CNTNAP2: variants seen among roughly 807,000 people sequenced by gnomAD.
The protein encoded by CNTNAP2 is contactin-associated protein-like 2.
Under a neutral mutation model 155.2 loss-of-function variants are expected in CNTNAP2, and 98 were observed. The ratio of observed to expected loss-of-function variants is 0.63; its 90% CI spans 0.54 to 0.75. CNTNAP2 has a LOEUF of 0.75. Among genes scored for constraint, CNTNAP2 ranks in the 30% least tolerant of loss-of-function variants. The pLI, the probability that CNTNAP2 is intolerant of heterozygous loss-of-function variation, is 0.00. For missense variants in CNTNAP2, 1,727 were observed against 1,688.1 expected, an observed-to-expected ratio of 1.02 and a Z score of -0.40; for synonymous variants, 651 against 631.2, an observed-to-expected ratio of 1.03 and a Z score of -0.47.
intron 12 of CNTNAP2, among the ~76,000 whole-genome samples, chr7:147,626,075 G>A (rs1368336342): frequency 3.9e-5 from 6 of 152,104 alleles, no homozygotes; most frequent in African/African-American, 1.4e-4. Context: ...GGGGAAGGCA[G>A]CCAGAGGAAT....
At chr7:147,647,564 T>C (rs1327870255) in intron 13 of CNTNAP2, among the ~76,000 whole-genome samples, 9 of 152,208 alleles carry the variant, frequency 5.9e-5, no homozygotes. Context: ...TTATGGGCTA[T>C]TCATGGCTTT....
intron 1 of CNTNAP2, among the ~76,000 whole-genome samples, chr7:146,483,028 G>A (rs1386622583): frequency 1.3e-5 from 2 of 151,328 alleles, no homozygotes. Flanking sequence ...TGTAATCCCA[G>A]CACTTTGGGA....
intron 9 of CNTNAP2, among the ~76,000 whole-genome samples, chr7:147,303,140 T>G (rs888103176): frequency 6.6e-5 from 10 of 152,222 alleles, no homozygotes; most frequent in Non-Finnish European, 1.5e-4. Flanking sequence ...TCTTTTACCA[T>G]CTTCACACAA....
chr7:147,849,050 T>C (rs143896625), intron 13 of CNTNAP2, among the ~76,000 whole-genome samples: 2,162 of 152,268 alleles, frequency 0.014, 24 homozygotes, highest in Non-Finnish European at 0.023. Flanking sequence ...TTCAGTAAAA[T>C]TTCTCCTAGA....
intron 10 of CNTNAP2, 89 bp from the exon 11 acceptor site, chr7:147,485,846 T>A: frequency 8.0e-7 from 1 of 1,244,708 alleles, no homozygotes; most frequent in Non-Finnish European, 1.2e-6. Context: ...GGCATTGAAA[T>A]GATATATTGC....
chr7:147,769,676 C>T (rs1186560029), intron 13 of CNTNAP2, among the ~76,000 whole-genome samples: 1 of 152,066 alleles, frequency 6.6e-6, no homozygotes, highest in Non-Finnish European at 1.5e-5. Flanking sequence ...ATATTTTTCT[C>T]CACAAGATAT....
At position 147,983,558 on chromosome 7, in the gene CNTNAP2, A is replaced by G. The variant is rs544155887; in HGVS notation, c.2383+5569A>G. The stretch of plus-strand genomic sequence containing the variant: ...TACAGGCTCAAGAGGTCCTCAGAAC[A>G]TGTGTCCAAGGGCTACAATTTGGTT... On this transcript the variant is annotated intron_variant, in intron 15 of 23. Coordinates refer to ENST00000361727, the MANE Select transcript of CNTNAP2 (RefSeq NM_014141.6). Among the ~76,000 whole-genome samples, 18 of 152,364 alleles carry G rather than the reference A, an allele frequency of 1.2e-4. No homozygotes were observed. In the South Asian group the frequency reaches 3.7e-3, roughly 32 times the overall value.
At chr7:146,393,429 C>A (rs1795573611) in intron 1 of CNTNAP2, among the ~76,000 whole-genome samples, 1 of 152,110 alleles carries the variant, frequency 6.6e-6, no homozygotes, top group African/African-American at 2.4e-5. Flanking sequence ...CTTGATAATG[C>A]AACTTAATGT....
intron 3 of CNTNAP2, among the ~76,000 whole-genome samples, chr7:146,946,544 G>A (rs977019415): frequency 1.3e-5 from 2 of 151,664 alleles, no homozygotes; most frequent in Admixed American, 6.6e-5. Context: ...TTGGGGAACT[G>A]GCTATTAGAA....
intron 2 of CNTNAP2, among the ~76,000 whole-genome samples, chr7:146,833,541 T>A (rs1482613323): frequency 2.6e-5 from 4 of 152,186 alleles, no homozygotes; most frequent in Non-Finnish European, 5.9e-5. Context: ...ATGTGTCTAG[T>A]CACCAAGCCA....
intron 1 of CNTNAP2, among the ~76,000 whole-genome samples, chr7:146,662,114 G>A (rs1800100133): frequency 6.6e-6 from 1 of 151,686 alleles, no homozygotes; most frequent in Non-Finnish European, 1.5e-5. Context: ...CTTTTCTTTG[G>A]GGAAGACAGT....
At chr7:147,343,600 A>C (rs533178854) in intron 9 of CNTNAP2, among the ~76,000 whole-genome samples, 2 of 152,290 alleles carry the variant, frequency 1.3e-5, no homozygotes, top group African/African-American at 4.8e-5. Flanking sequence ...CTAAGTGTTA[A>C]ATTAGTTTTA....
At chr7:146,299,532 G>A (rs994748873) in intron 1 of CNTNAP2, among the ~76,000 whole-genome samples, 1 of 152,042 alleles carries the variant, frequency 6.6e-6, no homozygotes, top group East Asian at 1.9e-4. Flanking sequence ...AAAGGCATGG[G>A]CCACCATGCA....
intron 1 of CNTNAP2, among the ~76,000 whole-genome samples, chr7:146,282,467 T>C (rs1800266995): frequency 6.6e-6 from 1 of 152,180 alleles, no homozygotes; most frequent in South Asian, 2.1e-4. Context: ...TTAAAACAGG[T>C]TTAATGTGTA....
chr7:147,488,458 A>C (rs1563224327), intron 11 of CNTNAP2, among the ~76,000 whole-genome samples: 1 of 152,238 alleles, frequency 6.6e-6, no homozygotes. Flanking sequence ...GAACTGTGTA[A>C]GTAACATAAA....
At chr7:147,758,289 C>T (rs12535323) in intron 13 of CNTNAP2, among the ~76,000 whole-genome samples, 1,711 of 152,234 alleles carry the variant, frequency 0.011, 98 homozygotes, top group Admixed American at 0.088. Context: ...CTTATCTCAC[C>T]GAAAATGTAT....
rs576526628 is a variant in CNTNAP2 at position 148,220,182 on chromosome 7, A to G, written c.3247+2658A>G. Among the ~76,000 whole-genome samples the G allele has an allele frequency of 1.1e-3, 160 of 152,330 alleles. 3 individuals are homozygous for G. Among genetic ancestry groups the G allele is most frequent in the Admixed American group, 5.7e-3 (88 of 15,308 alleles). On this transcript the variant is annotated intron_variant, in intron 19 of 23. Transcript: ENST00000361727. The stretch of plus-strand genomic sequence containing the variant: ...CAGTGGCATGATCTCGGCTCACTGC[A>G]AGCTCTGCCTTCCAGGTTCACACCA...
At chr7:148,400,184 C>A (rs1325341103) in intron 22 of CNTNAP2, among the ~76,000 whole-genome samples, 1 of 152,258 alleles carries the variant, frequency 6.6e-6, no homozygotes, top group South Asian at 2.1e-4. Flanking sequence ...AAGAACCCAC[C>A]AGTTACACAA....
intron 1 of CNTNAP2, among the ~76,000 whole-genome samples, chr7:146,595,501 AT>A (rs1456070661): frequency 4.6e-5 from 7 of 152,084 alleles, no homozygotes; most frequent in African/African-American, 1.7e-4. Context: ...TGGCCCACTA[AT>A]TCACAGTCTA....
Sources: gnomAD v4.1 joint callset for allele counts (sites outside exome capture counted in the v4.1 genomes callset) on GRCh38, gnomAD v4.1.1 for gene constraint, MANE v1.5 for transcripts, NCBI Gene and HGNC (gene_info 2026-07-23, HGNC 2026-07-21) for gene names.